Variants in ZSWIM9 observed in about 807,000 individuals in gnomAD.
The protein encoded by ZSWIM9 is uncharacterized protein ZSWIM9.
A neutral mutation model predicts 25.0 loss-of-function variants in ZSWIM9; 11 were observed. The observed-to-expected ratio is 0.44, with a 90% CI of 0.28 to 0.73. ZSWIM9 has a LOEUF of 0.73. Among genes scored for constraint, ZSWIM9 ranks in the 30% least tolerant of loss-of-function variants. The probability of loss-of-function intolerance (pLI) is 0.16; values close to 1 mark genes in which losing one functional copy is unlikely to be tolerated. For missense variants in ZSWIM9, 1,070 were observed against 1,296.5 expected (o/e 0.83, Z 2.68); for synonymous variants, 562 against 582.1 (o/e 0.97, Z 0.50).
intron 3 of ZSWIM9, among the ~76,000 whole-genome samples, chr19:48,192,487 A>ATATATATATATATG (rs2037107671): frequency 2.5e-5 from 1 of 40,098 alleles, no homozygotes; most frequent in African/African-American, 6.7e-5. Flanking sequence ...AAAAATATAT[A>ATATATATATATATG]TATATATATA....
At chr19:48,192,624 G>A (rs1030347454) in intron 3 of ZSWIM9, among the ~76,000 whole-genome samples, 3 of 149,856 alleles carry the variant, frequency 2.0e-5, no homozygotes, top group Non-Finnish European at 4.4e-5. Flanking sequence ...CTAATGGCCC[G>A]GATCTATTGG....
Position 48,194,782 on chromosome 19 carries a change from G to A in ZSWIM9, c.718G>A (p.Ala240Thr), listed in dbSNP as rs1267680319. 2.0e-6 allele frequency: 3 copies of A among 1,531,796 alleles called. No individual in the cohort carries two copies. The highest frequency in any genetic ancestry group is 1.8e-4 in the Middle Eastern group (1 of 5,458). 94.9% of individuals were successfully genotyped at this position (1,531,796 alleles called of 1,614,324 possible). Residue 240 changes from alanine to threonine, a missense_variant, in exon 4 of 4, where the codon GCG (alanine) becomes ACG (threonine). This residue lies in a region of ZSWIM9 where 38 missense variants were observed against 89.7 expected (regional missense o/e 0.42). Coordinates refer to ENST00000614654, the MANE Select transcript of ZSWIM9 (RefSeq NM_199341.4). The surrounding 1 kb of genome is among the most constrained non-coding windows in gnomAD (Gnocchi z 6.0). The stretch of plus-strand genomic sequence containing the variant: ...GGACCGGCTGCCGGGGCTGCAGGGC[G>A]CGCTGGATCTGCTGGCCGTGCTGTG... ...LVDRLPGLQG[A>T]LDLLAVLCVD...
At position 48,196,464 on chromosome 19, in the gene ZSWIM9, A is replaced by G; in HGVS notation, c.2400A>G (p.Glu800=). ...GTGACGGCCTGCAGGAAGGAGGCGA[A>G]GATGGCCCCAGGGAACCAAAGAGGC... The part of the protein sequence containing the change: ...AAGDGLQEGG[E]DGPREPKRLC... Residue 800 remains glutamate (E), a synonymous_variant, in exon 4 of 4, where the codon GAA becomes GAG. Coordinates refer to ENST00000614654, the MANE Select transcript of ZSWIM9 (RefSeq NM_199341.4). 8.1e-7 allele frequency: 1 copy of G among 1,232,730 alleles called. No individual in the cohort carries two copies. The allele number at this position is 1,232,730 out of a possible 1,614,324, so 76.4% of individuals were successfully genotyped here. A position where few individuals can be genotyped will look rare whatever the true frequency, so the allele number is the denominator to read the frequency against.
chr19:48,187,537 A>G (rs2037038537), intron 3 of ZSWIM9: 2 of 66,932 alleles, frequency 3.0e-5, no homozygotes, highest in South Asian at 7.1e-4. Context: ...TTATATTATT[A>G]TTATATTATA....
chr19:48,178,495 A>G (rs1423625399), intron 2 of ZSWIM9, among the ~76,000 whole-genome samples: 1 of 152,108 alleles, frequency 6.6e-6, no homozygotes, highest in Non-Finnish European at 1.5e-5. Context: ...TTTCTTAACT[A>G]CATACCAGGC....
intron 3 of ZSWIM9, chr19:48,187,568 ATTATATATAT>A (rs2037042082): frequency 8.4e-5 from 1 of 11,846 alleles, no homozygotes; most frequent in African/African-American, 2.2e-4. Flanking sequence ...TATATATAAT[ATTATATATAT>A]TATATATTAT....
Position 48,195,852 on chromosome 19 carries a change from G to A in ZSWIM9, c.1788G>A (p.Arg596=), listed in dbSNP as rs1007968402. The A allele has an allele frequency of 1.4e-6, 2 of 1,431,338 alleles. No individual in the cohort carries two copies. Among genetic ancestry groups the A allele is most frequent in the African/African-American group, 1.5e-5 (1 of 68,344 alleles). The allele number at this position is 1,431,338 out of a possible 1,614,324, so 88.7% of individuals were successfully genotyped here. ...ALRGLEGYTW[R]VAQLEDRRST... The stretch of plus-strand genomic sequence containing the variant: ...GAGGATTGGAAGGGTATACCTGGAG[G>A]GTGGCCCAGCTGGAAGATCGCAGGA... The change falls in exon 4 of 4, where the codon AGG becomes AGA. Residue 596 remains arginine, a synonymous_variant. Transcript: ENST00000614654. The surrounding 1 kb of genome is among the most constrained non-coding windows in gnomAD (Gnocchi z 5.8).
rs1177250061 is a variant in ZSWIM9, at chr19:48,171,776, C to T, written c.-9-18C>T. 6.6e-7 allele frequency: 1 copy of T among 1,519,758 alleles called. No individual in the cohort carries two copies. Among genetic ancestry groups the T allele is most frequent in the African/African-American group, 1.4e-5 (1 of 72,454 alleles). The allele number at this position is 1,519,758 out of a possible 1,614,324, so 94.1% of individuals were successfully genotyped here. ...GGAATGGGTCTGATATCCACCTGTTCTCCCCTCCTCCACGCAGGCCCCCAG... is the reference window on the plus strand; with the variant it reads ...GGAATGGGTCTGATATCCACCTGTTTTCCCCTCCTCCACGCAGGCCCCCAG... On this transcript the variant is annotated intron_variant, in intron 1 of 3. Transcript: ENST00000614654.
intron 3 of ZSWIM9, among the ~76,000 whole-genome samples, chr19:48,185,116 G>C (rs1333700063): frequency 6.7e-6 from 1 of 150,370 alleles, no homozygotes; most frequent in Non-Finnish European, 1.5e-5. Context: ...TCCTGCGTCT[G>C]TGTTTTGACC....
chr19:48,189,989 G>C (rs780568440), intron 3 of ZSWIM9, among the ~76,000 whole-genome samples: 1 of 152,074 alleles, frequency 6.6e-6, no homozygotes. Flanking sequence ...GATCACTTGA[G>C]GTCAAGAGTT....
Position 48,195,411 on chromosome 19 carries a change from C to CG in ZSWIM9, c.1353dup (p.Pro452AlafsTer6), listed in dbSNP as rs1322536176. On this transcript the variant is annotated frameshift_variant, in exon 4 of 4. Transcript: ENST00000614654. LOFTEE classifies it low-confidence loss of function (END_TRUNC). The surrounding 1 kb of genome is among the most constrained non-coding windows in gnomAD (Gnocchi z 5.8). The stretch of plus-strand genomic sequence containing the variant: ...AGGCGGTGCCCGAGGGGCCCGATGG[C>CG]GGGGGGCCTTGGCTGGAGGATGAGC... 1.2e-5 allele frequency: 17 copies of CG among 1,460,520 alleles called. No individual in the cohort carries two copies. Among genetic ancestry groups the CG allele is most frequent in the Admixed American group, 2.6e-5 (1 of 38,300 alleles). 90.5% of individuals were successfully genotyped at this position (1,460,520 alleles called of 1,614,324 possible). A position where few individuals can be genotyped will look rare whatever the true frequency, so the allele number is the denominator to read the frequency against.
intron 3 of ZSWIM9, among the ~76,000 whole-genome samples, chr19:48,188,192 C>A (rs2037053705): frequency 1.3e-5 from 2 of 151,696 alleles, no homozygotes; most frequent in South Asian, 4.2e-4. Flanking sequence ...AAGGGCAAGA[C>A]TGGGGGGCGA....
chr19:48,182,342 CTCT>C lies in ZSWIM9; in HGVS notation c.276-109_276-107del. 1.1e-6 allele frequency: 1 copy of C among 928,232 alleles called. No individual in the cohort carries two copies. Among genetic ancestry groups the C allele is most frequent in the Non-Finnish European group, 1.6e-6 (1 of 637,196 alleles). The allele number at this position is 928,232 out of a possible 1,614,324, so 57.5% of individuals were successfully genotyped here. A position where few individuals can be genotyped will look rare whatever the true frequency, so the allele number is the denominator to read the frequency against. On this transcript the variant is annotated intron_variant, in intron 2 of 3. Coordinates refer to ENST00000614654, the MANE Select transcript of ZSWIM9 (RefSeq NM_199341.4). The surrounding 1 kb of genome is among the most constrained non-coding windows in gnomAD (Gnocchi z 4.6). The stretch of plus-strand genomic sequence containing the variant: ...GCTGGCATATTCTTAGGGCCCTCTA[CTCT>C]TCTCTATGCCTGAAACAATTCTTAG...
At position 48,182,573 on chromosome 19, in the gene ZSWIM9, G is replaced by A; in HGVS notation, c.394G>A (p.Ala132Thr). Residue 132 changes from alanine (A) to threonine (T), a missense_variant, in exon 3 of 4, where the codon GCC (alanine) becomes ACC (threonine). By Grantham distance (58) the Ala-to-Thr change is moderately conservative (BLOSUM62 0). This residue lies in a region of ZSWIM9 where 265 missense variants were observed against 339.0 expected (regional missense o/e 0.78). Transcript: ENST00000614654. The surrounding 1 kb of genome is among the most constrained non-coding windows in gnomAD (Gnocchi z 4.6). Reference sequence around the variant, plus strand: ...ACACCCGGCCTGCCCGCTGGAGTTCGCCTACTACTTCCGCCCGGGCCACCT... The same window carrying A: ...ACACCCGGCCTGCCCGCTGGAGTTCACCTACTACTTCCGCCCGGGCCACCT... The part of the protein sequence containing the change: ...HSHPACPLEF[A>T]YYFRPGHLLA... 3 of 1,535,860 alleles carry A rather than the reference G, an allele frequency of 2.0e-6. No homozygotes were observed. The highest frequency in any genetic ancestry group is 1.2e-5 in the South Asian group (1 of 84,052).
Position 48,171,794 on chromosome 19 carries a change from G to A in ZSWIM9, c.-9G>A, listed in dbSNP as rs1262531328. The A allele has an allele frequency of 1.5e-5, 23 of 1,528,052 alleles. No homozygotes were observed. In the Admixed American group the frequency reaches 2.4e-4, roughly 16 times the overall value. 94.7% of individuals were successfully genotyped at this position (1,528,052 alleles called of 1,614,324 possible). A position where few individuals can be genotyped will look rare whatever the true frequency, so the allele number is the denominator to read the frequency against. ...ACCTGTTCTCCCCTCCTCCACGCAG[G>A]CCCCCAGGATGGAGCGGCCGGAGCC... On this transcript the variant is annotated splice_region_variant and 5_prime_UTR_variant, in exon 2 of 4. Coordinates refer to ENST00000614654, the MANE Select transcript of ZSWIM9 (RefSeq NM_199341.4).
At chr19:48,184,194 C>T (rs1013199903) in intron 3 of ZSWIM9, among the ~76,000 whole-genome samples, 3 of 151,860 alleles carry the variant, frequency 2.0e-5, no homozygotes, top group African/African-American at 7.3e-5. Flanking sequence ...GGGAAGGTCT[C>T]TTTAGCAAAT....
intron 3 of ZSWIM9, among the ~76,000 whole-genome samples, chr19:48,192,555 C>A (rs1219719137): frequency 7.1e-6 from 1 of 141,244 alleles, no homozygotes; most frequent in East Asian, 2.1e-4. Flanking sequence ...TGTCACCCTG[C>A]CCCTTAAAAT....
Position 48,196,362 on chromosome 19 carries a change from G to A in ZSWIM9, c.2298G>A (p.Val766=), listed in dbSNP as rs2037165535. ...GRCLGLGNGV[V]SGTPVGTVLE... ...GTCTAGGGCTGGGGAATGGAGTCGT[G>A]TCTGGCACCCCGGTGGGGACTGTAT... Residue 766 remains valine (V), a synonymous_variant, in exon 4 of 4, where the codon GTG becomes GTA. Transcript: ENST00000614654. The A allele has an allele frequency of 8.1e-7, 1 of 1,232,604 alleles. No individual in the cohort carries two copies. 76.4% of individuals were successfully genotyped at this position (1,232,604 alleles called of 1,614,324 possible).
intron 3 of ZSWIM9, among the ~76,000 whole-genome samples, chr19:48,183,782 G>A (rs990902600): frequency 2.8e-5 from 4 of 141,930 alleles, no homozygotes; most frequent in Non-Finnish European, 4.5e-5. Flanking sequence ...GACAACAGGC[G>A]TGCACCACCA....
Sources: gnomAD v4.1 joint callset for allele counts (sites outside exome capture counted in the v4.1 genomes callset) on GRCh38, gnomAD v4.1.1 for gene constraint, gnomAD v4.1.1 regional missense constraint, Gnocchi (gnomAD v3.1) non-coding constraint, MANE v1.5 for transcripts, NCBI Gene and HGNC (gene_info 2026-07-23, HGNC 2026-07-21) for gene names.